The following RRN3 variants were observed in gnomAD, a reference collection of about 807,000 sequenced individuals.
RRN3 encodes RNA polymerase I transcription factor RRN3.
RRN3 carries 38 observed loss-of-function variants against 82.3 expected under a neutral mutation model. The observed-to-expected ratio is 0.46, with a 90% CI of 0.36 to 0.61. RRN3 has a LOEUF of 0.61. Ranked by LOEUF, RRN3 falls within the 20% of genes least tolerant of loss-of-function variation. RRN3 has a pLI of 0.00. For missense variants in RRN3, 726 were observed against 793.1 expected, an observed-to-expected ratio of 0.92 and a Z score of 1.02; for synonymous variants, 284 against 284.3, an observed-to-expected ratio of 1.00 and a Z score of 0.01.
intron 3 of RRN3, among the ~76,000 whole-genome samples, chr16:15,090,873 G>GTTTTTTTTTT (rs4012873): frequency 3.9e-5 from 5 of 128,194 alleles, no homozygotes; most frequent in Non-Finnish European, 3.4e-5. Flanking sequence ...TCAGTGGTTT[G>GTTTTTTTTTT]TTTTTTTTTT....
rs187124873 is a variant in RRN3, at chr16:15,089,261, A to T, written c.252+2054T>A. ...AGCCAAGATCATCCCACTACACTAC[A>T]GCCTAGGTGACAGAGCAAGACTCTG... is the stretch of plus-strand genomic sequence containing the variant. On this transcript the variant is annotated intron_variant, in intron 3 of 17. Transcript: ENST00000198767. Among the ~76,000 whole-genome samples, 444 of 152,228 alleles carry T rather than the reference A, an allele frequency of 2.9e-3. 3 individuals are homozygous for T. Among genetic ancestry groups the T allele is most frequent in the African/African-American group, 9.9e-3 (412 of 41,530 alleles).
intron 9 of RRN3, among the ~76,000 whole-genome samples, chr16:15,077,018 T>C (rs1196685033): frequency 2.0e-5 from 3 of 151,694 alleles, no homozygotes; most frequent in African/African-American, 7.3e-5. Flanking sequence ...TTGCTCTTGT[T>C]GCCCAGGCTG....
intron 12 of RRN3, among the ~76,000 whole-genome samples, chr16:15,071,931 C>T (rs1381268767): frequency 2.0e-5 from 3 of 152,132 alleles, no homozygotes; most frequent in African/African-American, 7.2e-5. Context: ...CATGGAGCTC[C>T]ACATGGGCAC....
intron 8 of RRN3, 59 bp from the exon 9 acceptor site, chr16:15,080,155 G>A: frequency 6.6e-7 from 1 of 1,521,102 alleles, no homozygotes. Flanking sequence ...TCACAGTTAT[G>A]TAAGCAAAAC....
intron 13 of RRN3, among the ~76,000 whole-genome samples, chr16:15,070,560 T>C (rs986815509): frequency 4.6e-5 from 7 of 152,054 alleles, no homozygotes; most frequent in Non-Finnish European, 7.4e-5. Context: ...CTTAAGGTGA[T>C]TGGCCAAACA....
chr16:15,070,884 C>CT (rs35887858), intron 13 of RRN3, among the ~76,000 whole-genome samples: 1 of 152,268 alleles, frequency 6.6e-6, no homozygotes, highest in South Asian at 2.1e-4. Flanking sequence ...ACAAATGGAT[C>CT]TTTAAGTGCA....
At chr16:15,087,606 G>A (rs2045958848) in intron 3 of RRN3, among the ~76,000 whole-genome samples, 2 of 152,034 alleles carry the variant, frequency 1.3e-5, no homozygotes, top group Non-Finnish European at 2.9e-5. Context: ...AAGTAGCCTG[G>A]CAGTAAAATA....
intron 14 of RRN3, among the ~76,000 whole-genome samples, chr16:15,069,286 G>A (rs1272313885): frequency 1.3e-5 from 2 of 152,142 alleles, no homozygotes; most frequent in Non-Finnish European, 2.9e-5. Context: ...CTACAGTGCA[G>A]AGGACAGCCC....
intron 10 of RRN3, among the ~76,000 whole-genome samples, chr16:15,075,379 C>T (rs908648836): frequency 6.6e-5 from 10 of 152,094 alleles, no homozygotes; most frequent in African/African-American, 2.4e-4. Flanking sequence ...TTGAGACCAG[C>T]CTGGGCAACA....
intron 6 of RRN3, 56 bp downstream of exon 6, chr16:15,085,583 G>A (rs2045884262): frequency 6.3e-7 from 1 of 1,592,372 alleles, no homozygotes; most frequent in African/African-American, 1.3e-5. Context: ...TTCCCAAAGT[G>A]CTGGGATTAT....
chr16:15,067,187 G>A (rs1319731733), intron 15 of RRN3, among the ~76,000 whole-genome samples: 3 of 151,910 alleles, frequency 2.0e-5, no homozygotes, highest in East Asian at 1.9e-4. Flanking sequence ...AGAGGCTGAC[G>A]GAGCTCAGCA....
intron 15 of RRN3, among the ~76,000 whole-genome samples, chr16:15,067,240 G>C (rs554038979): frequency 6.6e-6 from 1 of 151,692 alleles, no homozygotes; most frequent in Non-Finnish European, 1.5e-5. Context: ...GCTATGATCC[G>C]GCCTAAATAT....
At chr16:15,072,880 C>T in intron 12 of RRN3, 70 bp downstream of exon 12, 1 of 1,528,610 alleles carries the variant, frequency 6.5e-7, no homozygotes, top group Non-Finnish European at 9.0e-7. Context: ...CCGTCCACCC[C>T]AGTTTTTAGG....
intron 3 of RRN3, among the ~76,000 whole-genome samples, 154 bp from the exon 4 acceptor site, chr16:15,086,608 A>G (rs1327654522): frequency 6.6e-6 from 1 of 152,254 alleles, no homozygotes; most frequent in East Asian, 1.9e-4. Flanking sequence ...AAACAGAAAA[A>G]GATGTCACAA....
intron 8 of RRN3, among the ~76,000 whole-genome samples, chr16:15,081,909 A>C (rs2045720523): frequency 6.6e-6 from 1 of 152,150 alleles, no homozygotes; most frequent in Non-Finnish European, 1.5e-5. Context: ...TGTTGAAATG[A>C]CTATTCTCCC....
chr16:15,093,397 C>A (rs1680997605), intron 1 of RRN3, among the ~76,000 whole-genome samples: 1 of 152,196 alleles, frequency 6.6e-6, no homozygotes, highest in Non-Finnish European at 1.5e-5. Context: ...CTCCCTCCCC[C>A]ATTACCTTGT....
intron 12 of RRN3, 74 bp downstream of exon 12, chr16:15,072,876 A>G: frequency 4.7e-6 from 7 of 1,474,418 alleles, no homozygotes; most frequent in Admixed American, 1.8e-5. Context: ...GTCTCCGTCC[A>G]CCCCAGTTTT....
Position 15,074,811 on chromosome 16 carries a change from G to A in RRN3, c.909C>T (p.Leu303=), listed in dbSNP as rs201577339. 1.1e-4 allele frequency: 182 copies of A among 1,613,984 alleles called. 3 individuals are homozygous for A. In the East Asian group the frequency reaches 3.3e-3, roughly 29 times the overall value. The change falls in exon 11 of 18, where the codon CTC becomes CTT. Residue 303 remains leucine (L), a synonymous_variant. Transcript: ENST00000198767. ...CGGCTACAGGATGCACCATCTGGTC[G>A]AGCCGTTCAGGACCAGCCTTTGTTT... ...EHETKAGPER[L]DQMVHPVAER... is the part of the protein sequence containing the mutation.
At chr16:15,085,164 C>A (rs2045868283) in intron 6 of RRN3, among the ~76,000 whole-genome samples, 1 of 152,192 alleles carries the variant, frequency 6.6e-6, no homozygotes, top group Non-Finnish European at 1.5e-5. Flanking sequence ...CAAGATTTTT[C>A]TCCACCAGCA....
Sources: allele counts gnomAD v4.1 joint callset (sites outside exome capture counted in the v4.1 genomes callset), GRCh38; gene constraint gnomAD v4.1.1; transcripts MANE v1.5; gene names NCBI Gene and HGNC (gene_info 2026-07-23, HGNC 2026-07-21).